FARSB: variants seen among roughly 807,000 people sequenced by gnomAD.
The protein encoded by FARSB is phenylalanine--tRNA ligase beta subunit.
FARSB carries 40 observed loss-of-function variants against 69.6 expected under a neutral mutation model. The ratio of observed to expected loss-of-function variants is 0.57; its 90% confidence interval spans 0.45 to 0.75. FARSB has a LOEUF of 0.75. Ranked by LOEUF, FARSB falls within the 30% of genes least tolerant of loss-of-function variation. The pLI, the probability that FARSB is intolerant of heterozygous loss-of-function variation, is 0.00. For missense variants in FARSB, 632 were observed against 722.9 expected (o/e 0.87, Z 1.44); for synonymous variants, 235 against 247.2 (o/e 0.95, Z 0.46).
intron 8 of FARSB, 134 bp downstream of exon 8, chr2:222,631,470 T>C: frequency 1.5e-6 from 1 of 663,258 alleles, no homozygotes; most frequent in Non-Finnish European, 2.7e-6. Context: ...TCTATCTTTT[T>C]AATTGTCTAA....
In FARSB at chr2:222,571,824, G is replaced by A; in HGVS notation, c.*47C>T. ...AGGAGGACTTAAGGACACTAGGGGA[G>A]GAGAAAGGGACACCTGGGAAGAGAA... On this transcript the variant is annotated 3_prime_UTR_variant, in exon 17 of 17. Transcript: ENST00000281828. 1 of 1,542,346 alleles carries A rather than the reference G, an allele frequency of 6.5e-7. No homozygotes were observed. The highest frequency in any genetic ancestry group is 1.8e-5 in the Admixed American group (1 of 55,126).
intron 9 of FARSB, among the ~76,000 whole-genome samples, chr2:222,629,598 T>A (rs1334144466): frequency 6.6e-6 from 1 of 152,216 alleles, no homozygotes; most frequent in African/African-American, 2.4e-5. Context: ...AACTTGCCCT[T>A]ACAAACAGCC....
At chr2:222,623,856 C>A in intron 12 of FARSB, 126 bp from the exon 13 acceptor site, 1 of 663,548 alleles carries the variant, frequency 1.5e-6, no homozygotes, top group Non-Finnish European at 2.7e-6. Context: ...AAAACCTTTT[C>A]ACCCTTACTA....
At chr2:222,624,606 T>G in intron 11 of FARSB, 108 bp downstream of exon 11, 1 of 923,862 alleles carries the variant, frequency 1.1e-6, no homozygotes, top group Non-Finnish European at 1.7e-6. Flanking sequence ...AAACCAGATA[T>G]CTTAACTGAT....
At chr2:222,623,475 G>A (rs1017574891) in intron 13 of FARSB, among the ~76,000 whole-genome samples, 175 bp downstream of exon 13, 5 of 152,026 alleles carry the variant, frequency 3.3e-5, no homozygotes, top group African/African-American at 1.2e-4. Flanking sequence ...AAAAACAAAA[G>A]CTTCAACATT....
intron 16 of FARSB, among the ~76,000 whole-genome samples, chr2:222,582,361 G>T (rs565262196): frequency 1.3e-5 from 2 of 152,170 alleles, no homozygotes; most frequent in Non-Finnish European, 1.5e-5. Flanking sequence ...TGAAAGAGTA[G>T]AAGAGAATAT....
chr2:222,610,398 CA>C (rs1416756449), intron 15 of FARSB, among the ~76,000 whole-genome samples: 1 of 151,372 alleles, frequency 6.6e-6, no homozygotes, highest in South Asian at 2.1e-4. Flanking sequence ...TTAATTCACT[CA>C]AAAAAAGTAG....
intron 15 of FARSB, among the ~76,000 whole-genome samples, chr2:222,600,642 T>A (rs191318795): frequency 1.3e-5 from 2 of 152,244 alleles, no homozygotes; most frequent in African/African-American, 4.8e-5. Flanking sequence ...TCATAGTAAA[T>A]GAAAATTAAA....
Position 222,624,365 on chromosome 2 carries a change from G to A in FARSB, c.1077C>T (p.Ile359=). ...IEIPPTRADI[I]HACDIVEDAA... ...CATCTTCTACAATATCACATGCATG[G>A]ATAATGTCAGCTCTGGTTGGAGGGA... Residue 359 remains isoleucine (I), a synonymous_variant, in exon 12 of 17, where the codon ATC becomes ATT. Coordinates refer to ENST00000281828, the MANE Select transcript of FARSB (RefSeq NM_005687.5). 1 of 1,606,754 alleles carries A rather than the reference G, an allele frequency of 6.2e-7. No homozygotes were observed. The highest frequency in any genetic ancestry group is 8.5e-7 in the Non-Finnish European group (1 of 1,173,322).
At chr2:222,605,299 C>T (rs1034177440) in intron 15 of FARSB, among the ~76,000 whole-genome samples, 101 of 152,098 alleles carry the variant, frequency 6.6e-4, no homozygotes, top group African/African-American at 2.2e-3. Flanking sequence ...GGTATTTTTG[C>T]CATGTGGTAC....
At chr2:222,578,395 G>C (rs78163890) in intron 16 of FARSB, among the ~76,000 whole-genome samples, 16 of 152,306 alleles carry the variant, frequency 1.1e-4, no homozygotes, top group African/African-American at 3.6e-4. Context: ...TGGAAATGTC[G>C]ACTATATGAG....
In FARSB at chr2:222,571,937, A is replaced by C; in HGVS notation, c.1704T>G (p.Val568=). Residue 568 remains valine (V), a synonymous_variant, in exon 17 of 17, where the codon GTT becomes GTG. Coordinates refer to ENST00000281828, the MANE Select transcript of FARSB (RefSeq NM_005687.5). Reference sequence around the variant, plus strand: ...GCATGGTCAGCTCAAATTTGGTGATAACGTCAGGATGAAGGACCCCAAGCT... The same window carrying C: ...GCATGGTCAGCTCAAATTTGGTGATCACGTCAGGATGAAGGACCCCAAGCT... ...VGKLGVLHPD[V]ITKFELTMPC... is the part of the protein sequence containing the mutation. 1 of 1,613,860 alleles carries C rather than the reference A, an allele frequency of 6.2e-7. No homozygotes were observed. Among genetic ancestry groups the C allele is most frequent in the Non-Finnish European group, 8.5e-7 (1 of 1,179,898 alleles).
intron 12 of FARSB, 142 bp downstream of exon 12, chr2:222,624,130 T>C: frequency 1.5e-6 from 1 of 646,582 alleles, no homozygotes; most frequent in East Asian, 2.6e-5. Context: ...CTGTTTTGTA[T>C]CCTCTCCACA....
At chr2:222,630,021 G>A in intron 9 of FARSB, 92 bp downstream of exon 9, 2 of 774,866 alleles carry the variant, frequency 2.6e-6, no homozygotes, top group South Asian at 3.3e-5. Flanking sequence ...GATTATAGGT[G>A]TGAGCCACCG....
intron 16 of FARSB, among the ~76,000 whole-genome samples, chr2:222,587,734 A>G (rs1690156584): frequency 6.6e-6 from 1 of 152,332 alleles, no homozygotes; most frequent in African/African-American, 2.4e-5. Flanking sequence ...AAATACCTCT[A>G]TGAAAATAAA....
chr2:222,641,210 C>G (rs1047833172), intron 3 of FARSB, among the ~76,000 whole-genome samples: 1 of 152,098 alleles, frequency 6.6e-6, no homozygotes, highest in African/African-American at 2.4e-5. Flanking sequence ...ATTAACTGAG[C>G]AACCGTTTAA....
intron 10 of FARSB, among the ~76,000 whole-genome samples, chr2:222,628,108 T>C (rs934155070): frequency 6.6e-6 from 1 of 152,228 alleles, no homozygotes; most frequent in African/African-American, 2.4e-5. Context: ...AATTATTTAT[T>C]AGTTACAGTG....
chr2:222,601,300 T>C (rs1690551747), intron 15 of FARSB, among the ~76,000 whole-genome samples: 2 of 152,024 alleles, frequency 1.3e-5, no homozygotes, highest in African/African-American at 4.8e-5. Context: ...TTTTTTAAAG[T>C]ATATGAAGAA....
intron 16 of FARSB, among the ~76,000 whole-genome samples, chr2:222,574,152 A>C (rs1161009310): frequency 7.0e-6 from 1 of 142,712 alleles, no homozygotes; most frequent in Non-Finnish European, 1.5e-5. Flanking sequence ...CAACTTTTCG[A>C]ATCAGCACTT....
Sources: gnomAD v4.1 joint callset for allele counts (sites outside exome capture counted in the v4.1 genomes callset) on GRCh38, gnomAD v4.1.1 for gene constraint, MANE v1.5 for transcripts, NCBI Gene and HGNC (gene_info 2026-07-23, HGNC 2026-07-21) for gene names.